Variants in RERE observed in about 807,000 individuals in gnomAD.
RERE encodes arginine-glutamic acid dipeptide repeats protein.
RERE carries 40 observed loss-of-function variants against 146.1 expected under a neutral mutation model. The ratio of observed to expected loss-of-function variants is 0.27; its 90% CI spans 0.21 to 0.36. The LOEUF is 0.36. RERE is among the 10% of genes least tolerant of loss of function. The probability of loss-of-function intolerance (pLI) is 1.00; values close to 1 mark genes in which losing one functional copy is unlikely to be tolerated. For missense variants in RERE, 1,933 were observed against 2,138.7 expected (o/e 0.90, Z 1.90); for synonymous variants, 1,003 against 866.0 (o/e 1.16, Z -2.78).
intron 3 of RERE, 74 bp from the exon 4 acceptor site, chr1:8,614,760 C>T: frequency 6.7e-7 from 1 of 1,499,382 alleles, no homozygotes; most frequent in Non-Finnish European, 8.9e-7. Context: ...GCACGCAGCA[C>T]ACAAGTCGGT....
intron 7 of RERE, among the ~76,000 whole-genome samples, chr1:8,509,399 G>GCCAT (rs755830199): frequency 0.038 from 5,261 of 137,262 alleles, 282 homozygotes; most frequent in African/African-American, 0.12. Context: ...CATATACTGA[G>GCCAT]CCATCCATCC....
chr1:8,365,616 C>T (rs1309366730), intron 13 of RERE, among the ~76,000 whole-genome samples, 196 bp downstream of exon 13: 1 of 152,156 alleles, frequency 6.6e-6, no homozygotes, highest in African/African-American at 2.4e-5. Context: ...TTTAAAGTCT[C>T]CCTCCTGAAT....
intron 4 of RERE, among the ~76,000 whole-genome samples, chr1:8,570,245 G>A (rs1388103235): frequency 1.3e-5 from 2 of 152,064 alleles, no homozygotes; most frequent in Non-Finnish European, 2.9e-5. Context: ...GCTGAGGCAG[G>A]AGAATTGCTT....
chr1:8,736,665 G>A (rs1156385916), intron 1 of RERE, among the ~76,000 whole-genome samples: 1 of 151,952 alleles, frequency 6.6e-6, no homozygotes, highest in East Asian at 1.9e-4. Context: ...GAAGAACAGA[G>A]GAGGCAATTA....
intron 1 of RERE, among the ~76,000 whole-genome samples, chr1:8,700,177 C>T (rs749810822): frequency 1.6e-4 from 25 of 152,018 alleles, no homozygotes; most frequent in African/African-American, 5.8e-4. Flanking sequence ...TGGTGGCACA[C>T]GCTTGTAGTC....
At chr1:8,497,351 A>C (rs971127190) in intron 9 of RERE, 54 bp downstream of exon 9, 3 of 1,602,030 alleles carry the variant, frequency 1.9e-6, no homozygotes, top group Non-Finnish European at 2.6e-6. Context: ...TACTGCCTAT[A>C]ATCAGTTCAG....
At chr1:8,797,620 C>T (rs1433137251) in intron 1 of RERE, among the ~76,000 whole-genome samples, 4 of 152,150 alleles carry the variant, frequency 2.6e-5, no homozygotes, top group African/African-American at 4.8e-5. Context: ...ACCTTAGAAG[C>T]CTTTTTCACT....
At position 8,656,332 on chromosome 1, in the gene RERE, C is replaced by G. The variant is rs1638301605; in HGVS notation, c.-35G>C. 3 of 1,587,748 alleles carry G rather than the reference C, an allele frequency of 1.9e-6. No individual in the cohort carries two copies. Among genetic ancestry groups the G allele is most frequent in the Non-Finnish European group, 1.7e-6 (2 of 1,167,370 alleles). ...CGTGCCTTCTTCTGTCCTCTCACGG[C>G]TAGGCCTCCGTGAAAGGTAGACAGT... On this transcript the variant is annotated 5_prime_UTR_variant, in exon 2 of 23. Coordinates refer to ENST00000400908, the MANE Select transcript of RERE (RefSeq NM_001042681.2).
At position 8,508,598 on chromosome 1, in the gene RERE, A is replaced by G. The variant is rs746861561; in HGVS notation, c.879+29T>C. 1.1e-5 allele frequency: 17 copies of G among 1,563,136 alleles called. No homozygotes were observed. The Admixed American group carries it at 2.2e-4, about 20-fold the overall frequency. On this transcript the variant is annotated intron_variant, in intron 8 of 22. Coordinates refer to ENST00000400908, the MANE Select transcript of RERE (RefSeq NM_001042681.2). ...GCAGAGTAATAAGAAACAAAAACCT[A>G]TTAAGGAAGCTATGAAAATGAACTT...
intron 1 of RERE, among the ~76,000 whole-genome samples, chr1:8,694,984 G>GGGA: frequency 9.1e-6 from 1 of 109,382 alleles, no homozygotes; most frequent in Non-Finnish European, 1.9e-5. Context: ...GGGGGGGGGG[G>GGGA]GAATGCTGGC....
chr1:8,419,349 G>A (rs770753758), intron 12 of RERE, among the ~76,000 whole-genome samples: 1 of 152,130 alleles, frequency 6.6e-6, no homozygotes, highest in Non-Finnish European at 1.5e-5. Context: ...TTTAGCTCTT[G>A]TGCAATAAAC....
intron 10 of RERE, among the ~76,000 whole-genome samples, chr1:8,475,396 G>C (rs1644743158): frequency 7.0e-6 from 1 of 143,762 alleles, no homozygotes; most frequent in Non-Finnish European, 1.5e-5. Context: ...AAAAATTCTT[G>C]GCTGGGCGTG....
chr1:8,378,517 G>A lies in RERE; in HGVS notation c.1285-12543C>T, dbSNP rs545080823. Among the ~76,000 whole-genome samples, 17 of 152,282 alleles carry A rather than the reference G, an allele frequency of 1.1e-4. No individual in the cohort carries two copies. In the East Asian group the frequency reaches 3.3e-3, roughly 29 times the overall value. Reference sequence around the variant, plus strand: ...GGTGATTATGTTAAAATGAGGTCAAGTGAGCCCTAATCCAGTACGACTGGT... The same window carrying A: ...GGTGATTATGTTAAAATGAGGTCAAATGAGCCCTAATCCAGTACGACTGGT... On this transcript the variant is annotated intron_variant, in intron 12 of 22. Transcript: ENST00000400908.
chr1:8,642,761 T>G (rs545741479), intron 2 of RERE, among the ~76,000 whole-genome samples: 2 of 152,308 alleles, frequency 1.3e-5, no homozygotes, highest in South Asian at 4.1e-4. Context: ...TAGGTAAACC[T>G]TCTGGACAGT....
chr1:8,655,757 T>C (rs1638266485), intron 2 of RERE, among the ~76,000 whole-genome samples: 2 of 151,832 alleles, frequency 1.3e-5, no homozygotes, highest in South Asian at 4.2e-4. Flanking sequence ...CATGAATGCA[T>C]AAACCAGGAC....
chr1:8,676,058 T>C (rs1320171279), intron 1 of RERE, among the ~76,000 whole-genome samples: 4 of 152,224 alleles, frequency 2.6e-5, no homozygotes, highest in African/African-American at 4.8e-5. Flanking sequence ...AAAGGGTCTA[T>C]GAAGTCTATA....
Position 8,355,572 on chromosome 1 carries a change from C to G in RERE, c.4514G>C (p.Gly1505Ala). The G allele has an allele frequency of 1.3e-6, 2 of 1,597,452 alleles. No homozygotes were observed. Among genetic ancestry groups the G allele is most frequent in the Non-Finnish European group, 1.7e-6 (2 of 1,170,366 alleles). ...FGTPYPRDLP[G>A]AIPPPMSAAH... ...TGCTGACATGGGGGGTGGGATGGCC[C>G]CAGGCAGGTCACGGGGGTAGGGGGT... Residue 1505 changes from glycine to alanine, a missense_variant, in exon 22 of 23, where the codon GGG becomes GCG. This residue lies in a region of RERE where 133 missense variants were observed against 168.6 expected (regional missense o/e 0.79). Transcript: ENST00000400908.
At chr1:8,647,641 A>ATATATGTGTG (rs371893375) in intron 2 of RERE, among the ~76,000 whole-genome samples, 1 of 148,534 alleles carries the variant, frequency 6.7e-6, no homozygotes, top group Non-Finnish European at 1.5e-5. Context: ...TAAAATATGT[A>ATATATGTGTG]TGTGTGTGTG....
At chr1:8,589,687 T>C (rs1570476146) in intron 4 of RERE, among the ~76,000 whole-genome samples, 1 of 152,340 alleles carries the variant, frequency 6.6e-6, no homozygotes, top group South Asian at 2.1e-4. Flanking sequence ...TTCCTCCCAC[T>C]TTCTTTCTTT....
Sources: gnomAD v4.1 joint callset for allele counts (sites outside exome capture counted in the v4.1 genomes callset) on GRCh38, gnomAD v4.1.1 for gene constraint, gnomAD v4.1.1 regional missense constraint, MANE v1.5 for transcripts, NCBI Gene and HGNC (gene_info 2026-07-23, HGNC 2026-07-21) for gene names.